WDR72: variants seen among roughly 807,000 people sequenced by gnomAD.
WDR72 encodes WD repeat domain 72, also known as WD repeat-containing protein 72.
WDR72 carries 120 observed loss-of-function variants against 124.2 expected under a neutral mutation model. That is an observed-to-expected ratio of 0.97 (90% CI 0.83 to 1.12). The LOEUF is 1.12. Ranked by LOEUF, WDR72 falls within the 50% of genes most tolerant of loss-of-function variation. The pLI is 0.00. For synonymous variants in WDR72, 452 were observed against 441.7 expected (o/e 1.02, Z -0.29); for missense variants, 1,387 against 1,278.8 (o/e 1.08, Z -1.29).
At chr15:53,545,315 A>C (rs1381964558) in intron 18 of WDR72, among the ~76,000 whole-genome samples, 4 of 151,310 alleles carry the variant, frequency 2.6e-5, no homozygotes, top group Admixed American at 2.6e-4. Context: ...CGAAACAGAG[A>C]TATAGATCAA....
intron 1 of WDR72, among the ~76,000 whole-genome samples, chr15:53,734,729 AC>A (rs2018300033): frequency 6.6e-6 from 1 of 151,906 alleles, no homozygotes; most frequent in African/African-American, 2.4e-5. Flanking sequence ...CAGAAAAACT[AC>A]CCCAGGAAGA....
rs569444596 is a variant in WDR72, at chr15:53,596,994, C to T, written c.3148+85G>A. 104 of 1,298,172 alleles carry T rather than the reference C, an allele frequency of 8.0e-5. No individual in the cohort carries two copies. In the African/African-American group the frequency reaches 1.2e-3, roughly 15 times the overall value. The allele number at this position is 1,298,172 out of a possible 1,614,324, so 80.4% of individuals were successfully genotyped here. On this transcript the variant is annotated intron_variant, in intron 18 of 19. Transcript: ENST00000360509. ...TGTGCACCATGATATAATCGAAAATCGTTCAGTTGCACCACCATAAGTTGG... is the reference window on the plus strand; with the variant it reads ...TGTGCACCATGATATAATCGAAAATTGTTCAGTTGCACCACCATAAGTTGG...
chr15:53,672,235 G>A (rs2016017681), intron 13 of WDR72, among the ~76,000 whole-genome samples: 1 of 148,710 alleles, frequency 6.7e-6, no homozygotes, highest in Non-Finnish European at 1.5e-5. Flanking sequence ...ACAGCATGTG[G>A]AGTTCCAGGT....
intron 18 of WDR72, among the ~76,000 whole-genome samples, chr15:53,578,657 G>A (rs1178676312): frequency 2.0e-5 from 3 of 152,148 alleles, no homozygotes; most frequent in Non-Finnish European, 4.4e-5. Context: ...AGTTGTAAAT[G>A]AGCCTTATGA....
At chr15:53,742,033 T>C (rs917894656) in intron 1 of WDR72, among the ~76,000 whole-genome samples, 3 of 152,182 alleles carry the variant, frequency 2.0e-5, no homozygotes, top group African/African-American at 7.2e-5. Context: ...TGGCTTGATC[T>C]AGATAATTCT....
chr15:53,519,130 G>C (rs1361395869), intron 19 of WDR72, among the ~76,000 whole-genome samples: 2 of 151,932 alleles, frequency 1.3e-5, no homozygotes, highest in African/African-American at 2.4e-5. Context: ...AAAGGCTTAA[G>C]GTTTCTCATT....
rs974421325 is a variant in WDR72 at position 53,687,410 on chromosome 15, A to G, written c.1765+12340T>C. Among the ~76,000 whole-genome samples, 141 of 150,758 alleles carry G rather than the reference A, an allele frequency of 9.4e-4. 3 individuals carry two copies. The highest frequency in any genetic ancestry group is 3.3e-3 in the African/African-American group (135 of 40,938). The stretch of plus-strand genomic sequence containing the variant: ...CACCAATCCCACAGAAATACAAACT[A>G]CCATCAGAGAATACTACAAACACCT... On this transcript the variant is annotated intron_variant, in intron 13 of 19. Coordinates refer to ENST00000360509, the MANE Select transcript of WDR72 (RefSeq NM_182758.4).
At chr15:53,575,029 AC>A (rs1894699324) in intron 18 of WDR72, among the ~76,000 whole-genome samples, 1 of 151,772 alleles carries the variant, frequency 6.6e-6, no homozygotes, top group African/African-American at 2.4e-5. Flanking sequence ...ACACACACAC[AC>A]ACACACACAC....
intron 13 of WDR72, among the ~76,000 whole-genome samples, chr15:53,683,766 T>C (rs1165093558): frequency 1.3e-5 from 2 of 152,082 alleles, no homozygotes; most frequent in South Asian, 2.1e-4. Flanking sequence ...CATCTATAAA[T>C]CTCATATATA....
intron 14 of WDR72, among the ~76,000 whole-genome samples, chr15:53,646,316 C>T (rs548315353): frequency 5.9e-5 from 9 of 152,102 alleles, no homozygotes; most frequent in East Asian, 5.8e-4. Flanking sequence ...ATAAAACCCC[C>T]GTAACTCATA....
chr15:53,582,383 A>T (rs954696423), intron 18 of WDR72, among the ~76,000 whole-genome samples: 3 of 151,948 alleles, frequency 2.0e-5, no homozygotes, highest in African/African-American at 7.2e-5. Context: ...AAGCTATATC[A>T]TGGTGGAATC....
intron 18 of WDR72, among the ~76,000 whole-genome samples, chr15:53,523,537 G>C (rs1264418734): frequency 6.6e-6 from 1 of 152,052 alleles, no homozygotes; most frequent in African/African-American, 2.4e-5. Context: ...CTTTATCTTA[G>C]AAGAAAAATA....
rs2013642087 is a variant in WDR72, at chr15:53,613,715, A to G, written c.2823T>C (p.Ala941=). 6.2e-7 allele frequency: 1 copy of G among 1,611,242 alleles called. No homozygotes were observed. Among genetic ancestry groups the G allele is most frequent in the Non-Finnish European group, 8.5e-7 (1 of 1,178,326 alleles). The change falls in exon 16 of 20, where the codon GCT becomes GCC. Residue 941 remains alanine (A), a synonymous_variant. Transcript: ENST00000360509. ...MESIHNKMRG[A]GNDILNMSSF... ...TTGACATATTTAAAATGTCATTCCC[A>G]GCACCTCTCATCTTATTATGTATAC...
chr15:53,612,586 C>G (rs1566983692), intron 16 of WDR72, among the ~76,000 whole-genome samples: 1 of 151,926 alleles, frequency 6.6e-6, no homozygotes, highest in African/African-American at 2.4e-5. Context: ...GCTAGGGTAG[C>G]TGGAATGAGT....
intron 18 of WDR72, among the ~76,000 whole-genome samples, chr15:53,588,088 A>G (rs2012312893): frequency 1.3e-5 from 2 of 152,042 alleles, no homozygotes; most frequent in South Asian, 4.1e-4. Context: ...CATCATCCTT[A>G]TAATCACCAT....
At chr15:53,564,629 C>T (rs770569739) in intron 18 of WDR72, among the ~76,000 whole-genome samples, 13 of 151,846 alleles carry the variant, frequency 8.6e-5, no homozygotes, top group South Asian at 2.1e-4. Flanking sequence ...GTATGGCCTT[C>T]GATAAACCAT....
chr15:53,543,666 G>C (rs867020539), intron 18 of WDR72, among the ~76,000 whole-genome samples: 1 of 151,646 alleles, frequency 6.6e-6, no homozygotes, highest in Non-Finnish European at 1.5e-5. Context: ...GAAGGAAATA[G>C]AGACACAAAA....
intron 17 of WDR72, among the ~76,000 whole-genome samples, chr15:53,598,296 T>C (rs1245266593): frequency 1.3e-5 from 2 of 151,966 alleles, no homozygotes; most frequent in Non-Finnish European, 2.9e-5. Flanking sequence ...CCATAGCATA[T>C]ATATTTTCCC....
chr15:53,538,395 A>G (rs953218294), intron 18 of WDR72, among the ~76,000 whole-genome samples: 2 of 152,226 alleles, frequency 1.3e-5, no homozygotes, highest in Non-Finnish European at 2.9e-5. Context: ...AAGAAATGCT[A>G]GTATTGAAAC....
Sources: gnomAD v4.1 joint callset for allele counts (sites outside exome capture counted in the v4.1 genomes callset) on GRCh38, gnomAD v4.1.1 for gene constraint, MANE v1.5 for transcripts, NCBI Gene and HGNC (gene_info 2026-07-23, HGNC 2026-07-21) for gene names.